IRAK3: variants seen among roughly 807,000 people sequenced by gnomAD.
IRAK3 encodes interleukin 1 receptor associated kinase 3.
IRAK3 carries 57 observed loss-of-function variants against 56.6 expected under a neutral mutation model. That is an observed-to-expected ratio of 1.01 (90% CI 0.81 to 1.26). IRAK3 has a LOEUF of 1.26. Among genes scored for constraint, IRAK3 ranks in the 50% most tolerant of loss-of-function variants. IRAK3 has a pLI of 0.00. For missense variants in IRAK3, 703 were observed against 719.0 expected, an observed-to-expected ratio of 0.98 and a Z score of 0.25; for synonymous variants, 258 against 255.7, an observed-to-expected ratio of 1.01 and a Z score of -0.09.
At chr12:66,239,273 G>A (rs1592601095) in intron 8 of IRAK3, among the ~76,000 whole-genome samples, 1 of 148,752 alleles carries the variant, frequency 6.7e-6, no homozygotes, top group Admixed American at 6.7e-5. Flanking sequence ...AAGAAACAAA[G>A]AAGAAGCCAT....
intron 2 of IRAK3, among the ~76,000 whole-genome samples, chr12:66,206,364 C>T (rs867318762): frequency 2.6e-5 from 4 of 152,082 alleles, no homozygotes; most frequent in Non-Finnish European, 2.9e-5. Context: ...TGTTAACTGT[C>T]GGTTTTTTGT....
At chr12:66,212,123 A>AC (rs1348149164) in intron 5 of IRAK3, among the ~76,000 whole-genome samples, 6 of 151,632 alleles carry the variant, frequency 4.0e-5, no homozygotes, top group Non-Finnish European at 8.8e-5. Flanking sequence ...AAAAAAAAAA[A>AC]AAGACTTCTG....
intron 8 of IRAK3, among the ~76,000 whole-genome samples, chr12:66,237,705 C>A (rs2052922902): frequency 6.6e-6 from 1 of 152,120 alleles, no homozygotes; most frequent in Admixed American, 6.5e-5. Flanking sequence ...GTCTCATGTT[C>A]CATGTCTGAT....
chr12:66,197,860 G>A (rs915600782), intron 1 of IRAK3: 3 of 985,342 alleles, frequency 3.0e-6, no homozygotes, highest in Admixed American at 6.1e-5. Context: ...GTCACAGGAC[G>A]GGACATCCCA....
At chr12:66,204,775 T>TGCAC (rs2052541601) in intron 2 of IRAK3, among the ~76,000 whole-genome samples, 1 of 87,782 alleles carries the variant, frequency 1.1e-5, no homozygotes, top group African/African-American at 4.6e-5. Context: ...CATGAGCCCT[T>TGCAC]GCGCACACAC....
intron 5 of IRAK3, 139 bp from the exon 6 acceptor site, chr12:66,217,032 A>G: frequency 4.2e-6 from 3 of 715,864 alleles, no homozygotes; most frequent in Non-Finnish European, 5.1e-6. Context: ...TGAAAGCTAA[A>G]TGTCATCTCC....
chr12:66,208,777 A>T (rs2052583325), intron 2 of IRAK3, among the ~76,000 whole-genome samples: 1 of 151,038 alleles, frequency 6.6e-6, no homozygotes. Flanking sequence ...AAAAGAAAAA[A>T]GGCCCAGTGT....
intron 6 of IRAK3, among the ~76,000 whole-genome samples, chr12:66,223,876 A>G (rs2052760742): frequency 6.6e-6 from 1 of 151,212 alleles, no homozygotes; most frequent in Non-Finnish European, 1.5e-5. Flanking sequence ...TTTTGCACCA[A>G]TCTAATAAAA....
At chr12:66,237,190 G>T (rs902160410) in intron 8 of IRAK3, among the ~76,000 whole-genome samples, 2 of 152,104 alleles carry the variant, frequency 1.3e-5, no homozygotes, top group Non-Finnish European at 2.9e-5. Context: ...TCCCAGCATT[G>T]TGAGGAGGAA....
chr12:66,244,300 T>G (rs1225735511), intron 8 of IRAK3, among the ~76,000 whole-genome samples, 186 bp from the exon 9 acceptor site: 1 of 152,250 alleles, frequency 6.6e-6, no homozygotes, highest in African/African-American at 2.4e-5. Context: ...AGGTTGCAGA[T>G]AACACTTGGA....
chr12:66,213,518 A>G (rs1284549283), intron 5 of IRAK3, among the ~76,000 whole-genome samples: 1 of 152,178 alleles, frequency 6.6e-6, no homozygotes, highest in Non-Finnish European at 1.5e-5. Context: ...AGGGCAGTGA[A>G]ACTACTCTGA....
Position 66,248,317 on chromosome 12 carries a change from T to C in IRAK3, c.*146T>C. The C allele has an allele frequency of 1.6e-6, 1 of 622,624 alleles. No homozygotes were observed. The allele number at this position is 622,624 out of a possible 1,614,324, so 38.6% of individuals were successfully genotyped here. ...TGATGCAGATAAACAATCTGGATAA[T>C]TCCATTTCTTTTTTCCCAAACCCTC... On this transcript the variant is annotated 3_prime_UTR_variant, in exon 12 of 12. Transcript: ENST00000261233.
At chr12:66,234,086 T>G in intron 8 of IRAK3, 1 of 1,614,022 alleles carries the variant, frequency 6.2e-7, no homozygotes, top group Non-Finnish European at 8.5e-7. Flanking sequence ...CTTATTAGGT[T>G]GAAAGGTATA....
At chr12:66,244,891 A>G in intron 9 of IRAK3, 57 bp from the exon 10 acceptor site, 3 of 1,345,170 alleles carry the variant, frequency 2.2e-6, no homozygotes, top group Non-Finnish European at 2.1e-6. Flanking sequence ...AATAGTTGCA[A>G]CAAATTGTGT....
chr12:66,197,613 CA>C, intron 1 of IRAK3: 2 of 985,348 alleles, frequency 2.0e-6, no homozygotes, highest in Non-Finnish European at 2.4e-6. Context: ...TGCATGCAGG[CA>C]GTATTCATTT....
chr12:66,195,431 C>A (rs1043635366), intron 1 of IRAK3, among the ~76,000 whole-genome samples: 1 of 152,142 alleles, frequency 6.6e-6, no homozygotes, highest in Admixed American at 6.5e-5. Context: ...GCTATCATTG[C>A]CCTATTCAGA....
intron 6 of IRAK3, among the ~76,000 whole-genome samples, chr12:66,223,981 A>T (rs2052761669): frequency 6.6e-6 from 1 of 152,058 alleles, no homozygotes; most frequent in East Asian, 1.9e-4. Flanking sequence ...TTTTCTGTGA[A>T]CTACAACAAC....
intron 7 of IRAK3, among the ~76,000 whole-genome samples, chr12:66,227,378 G>A (rs983051332): frequency 1.3e-5 from 2 of 152,056 alleles, no homozygotes; most frequent in Non-Finnish European, 2.9e-5. Context: ...GAATCACAAG[G>A]TCAGGAGTTC....
intron 5 of IRAK3, among the ~76,000 whole-genome samples, chr12:66,213,343 T>G (rs942786867): frequency 1.7e-4 from 26 of 152,040 alleles, no homozygotes; most frequent in African/African-American, 5.6e-4. Context: ...TGAATTTGGG[T>G]GGGGACACAG....
Sources: allele counts gnomAD v4.1 joint callset (sites outside exome capture counted in the v4.1 genomes callset), GRCh38; gene constraint gnomAD v4.1.1; transcripts MANE v1.5; gene names NCBI Gene and HGNC (gene_info 2026-07-23, HGNC 2026-07-21).